The following ZFP28 variants were observed in gnomAD, a reference collection of about 807,000 sequenced individuals.
ZFP28 encodes the protein zinc finger protein 28 homolog.
In ZFP28, 31 loss-of-function variants were observed where a neutral mutation model predicts 39.5. That is an observed-to-expected ratio of 0.79 (90% CI 0.59 to 1.06). The LOEUF is 1.06. ZFP28 is among the 50% of genes least tolerant of loss of function. The pLI is 0.00. For missense variants in ZFP28, 925 were observed against 1,048.4 expected (o/e 0.88, Z 1.63); for synonymous variants, 400 against 378.6 (o/e 1.06, Z -0.66).
At chr19:56,542,346 GT>G (rs1362389001) in intron 2 of ZFP28, among the ~76,000 whole-genome samples, 5 of 152,054 alleles carry the variant, frequency 3.3e-5, no homozygotes, top group Non-Finnish European at 7.4e-5. Flanking sequence ...TAGAGATGGG[GT>G]TTTGCCATGT....
At chr19:56,553,421 A>G (rs2044322313) in intron 7 of ZFP28, among the ~76,000 whole-genome samples, 2 of 152,028 alleles carry the variant, frequency 1.3e-5, no homozygotes, top group South Asian at 4.1e-4. Context: ...GGGTCTTGCT[A>G]TGTTGTGCAG....
chr19:56,552,695 T>C (rs2044315383), intron 7 of ZFP28: 1 of 152,202 alleles, frequency 6.6e-6, no homozygotes, highest in Non-Finnish European at 1.5e-5. Context: ...GCACGTACTT[T>C]GTTGATTTTT....
rs367975342 is a variant in ZFP28 at position 56,547,773 on chromosome 19, C to T, written c.428-34C>T. 1.1e-5 allele frequency: 17 copies of T among 1,612,624 alleles called. No individual in the cohort carries two copies. In the African/African-American group the frequency reaches 1.7e-4, roughly 16 times the overall value. On this transcript the variant is annotated intron_variant, in intron 3 of 7. Coordinates refer to ENST00000301318, the MANE Select transcript of ZFP28 (RefSeq NM_020828.2). The surrounding 1 kb of genome is among the most constrained non-coding windows in gnomAD (Gnocchi z 4.6). ...GACTGCATCTCAGTCTGGACAGCCA[C>T]ACAGTATGACCAGGTTGTTTTTTAT...
chr19:56,550,467 GC>G, intron 6 of ZFP28, 42 bp from the exon 7 acceptor site: 1 of 1,550,546 alleles, frequency 6.4e-7, no homozygotes, highest in Non-Finnish European at 8.8e-7. Context: ...ATTTTAGGAT[GC>G]CAAGACTATT....
At position 56,550,281 on chromosome 19, in the gene ZFP28, A is replaced by G. The variant is rs552108986; in HGVS notation, c.802+100A>G. On this transcript the variant is annotated intron_variant, in intron 6 of 7. Coordinates refer to ENST00000301318, the MANE Select transcript of ZFP28 (RefSeq NM_020828.2). ...GAGGAGGGAGGGGGTGTCTTCTGAC[A>G]TGCTGGCCTGAATTTTGTGGATTCC... The G allele has an allele frequency of 7.0e-4, 853 of 1,210,494 alleles. 24 individuals carry two copies. In the South Asian group the frequency reaches 0.012, roughly 17 times the overall value. 75.0% of individuals were successfully genotyped at this position (1,210,494 alleles called of 1,614,324 possible).
At position 56,554,366 on chromosome 19, in the gene ZFP28, T is replaced by C. The variant is rs756704627; in HGVS notation, c.1581T>C (p.His527=). 4.3e-6 allele frequency: 7 copies of C among 1,614,130 alleles called. 1 individual carries two copies. In the South Asian group the frequency reaches 7.7e-5, roughly 18 times the overall value. ...GGCTTAATCAACACAGGAGAATTCA[T>C]ACTGGAGAGAAACCTTACAAATGTG... ...HIGLNQHRRI[H]TGEKPYKCDV... Residue 527 remains histidine, a synonymous_variant, in exon 8 of 8, where the codon CAT becomes CAC. Transcript: ENST00000301318. The surrounding 1 kb of genome is among the most constrained non-coding windows in gnomAD (Gnocchi z 6.7).
upstream of ZFP28, among the ~76,000 whole-genome samples, chr19:56,537,025 G>A (rs917407): frequency 0.023 from 3,025 of 132,898 alleles, 83 homozygotes; most frequent in African/African-American, 0.075. Flanking sequence ...TAGGGAGAAG[G>A]GGGGTGGTTG....
intron 1 of ZFP28, 78 bp downstream of exon 1, chr19:56,539,304 T>C: frequency 7.1e-7 from 1 of 1,406,148 alleles, no homozygotes; most frequent in Non-Finnish European, 9.5e-7. Flanking sequence ...GGGGTTGGGC[T>C]CTCGGGGACC....
chr19:56,548,377 G>T (rs1219740420), intron 4 of ZFP28: 1 of 153,596 alleles, frequency 6.5e-6, no homozygotes, highest in Non-Finnish European at 1.4e-5. Context: ...TCTTCCTGCA[G>T]ATCATTCATC....
In ZFP28 at chr19:56,541,728, T is replaced by A. The variant is rs182683043; in HGVS notation, c.300+2012T>A. ...ATCCCTCTTCCCTGCTTTGCTTTTT[T>A]CTTTTAGTACTTTTCTTTTGAGACA... On this transcript the variant is annotated intron_variant, in intron 2 of 7. Transcript: ENST00000301318. 6.0e-3 allele frequency among the ~76,000 whole-genome samples: 907 copies of A among 152,192 alleles called. 10 individuals carry two copies. The highest frequency in any genetic ancestry group is 0.02 in the African/African-American group (815 of 41,494).
At position 56,550,028 on chromosome 19, in the gene ZFP28, A is replaced by C. The variant is rs370158824; in HGVS notation, c.688-39A>C. ...CCACTGAGACCAGGTGAGTTCACGA[A>C]CATGGTTTGATTTAAAAAACGTGCT... On this transcript the variant is annotated intron_variant, in intron 5 of 7. Transcript: ENST00000301318. 3.5e-5 allele frequency: 55 copies of C among 1,550,682 alleles called. No individual in the cohort carries two copies. In the African/African-American group the frequency reaches 6.3e-4, roughly 18 times the overall value.
At chr19:56,546,961 G>A (rs2044246736) in intron 2 of ZFP28, 1 of 152,218 alleles carries the variant, frequency 6.6e-6, no homozygotes, top group African/African-American at 2.4e-5. Context: ...AAGACAGAAT[G>A]AGGCTAGCTG....
chr19:56,554,559 A>C lies in ZFP28; in HGVS notation c.1774A>C (p.Lys592Gln). ...VHSGEKPFKC[K>Q]ECGKAFRQNI... The stretch of plus-strand genomic sequence containing the variant: ...TTCTGGAGAAAAGCCTTTTAAGTGT[A>C]AAGAGTGCGGAAAAGCTTTTAGGCA... Residue 592 changes from lysine to glutamine, a missense_variant, in exon 8 of 8, where the codon AAA becomes CAA. Around this residue, in one of 2 missense-constraint regions of ZFP28, gnomAD observed 369 missense variants for 505.5 expected, o/e 0.73. Transcript: ENST00000301318. The surrounding 1 kb of genome is among the most constrained non-coding windows in gnomAD (Gnocchi z 6.7). The C allele has an allele frequency of 6.2e-7, 1 of 1,614,194 alleles. No individual in the cohort carries two copies. The highest frequency in any genetic ancestry group is 8.5e-7 in the Non-Finnish European group (1 of 1,180,030).
chr19:56,551,910 A>G (rs1007246871), intron 7 of ZFP28: 15 of 982,708 alleles, frequency 1.5e-5, no homozygotes, highest in East Asian at 2.3e-4. Flanking sequence ...GTCTCAAACT[A>G]TTTTCACATA....
At position 56,554,637 on chromosome 19, in the gene ZFP28, G is replaced by A; in HGVS notation, c.1852G>A (p.Glu618Lys). 1 of 1,613,412 alleles carries A rather than the reference G, an allele frequency of 6.2e-7. No homozygotes were observed. The highest frequency in any genetic ancestry group is 8.5e-7 in the Non-Finnish European group (1 of 1,179,434). The change falls in exon 8 of 8, where the codon GAA becomes AAA. Residue 618 changes from glutamate (E) to lysine (K), a missense_variant. This residue lies in a region of ZFP28 where 369 missense variants were observed against 505.5 expected (regional missense o/e 0.73). Coordinates refer to ENST00000301318, the MANE Select transcript of ZFP28 (RefSeq NM_020828.2). This position sits in a 1 kb window ranked among gnomAD's most constrained non-coding sequence, Gnocchi z 6.7. ...LRIHTGEKPFECAECGKSFSI... is the reference protein window; with the variant it reads ...LRIHTGEKPFKCAECGKSFSI... The stretch of plus-strand genomic sequence containing the variant: ...GATTCATACTGGGGAGAAGCCTTTT[G>A]AATGTGCGGAGTGTGGAAAATCCTT...
In ZFP28 at chr19:56,549,120, C is replaced by G; in HGVS notation, c.686C>G (p.Pro229Arg). 3.1e-6 allele frequency: 5 copies of G among 1,597,402 alleles called. No individual in the cohort carries two copies. Among genetic ancestry groups the G allele is most frequent in the Non-Finnish European group, 4.3e-6 (5 of 1,171,978 alleles). ...WDYDALFETQ[P>R]GLVTIKNLAV... ...TATGATGCTCTGTTTGAGACACAGC[C>G]GGTAAGTCACAAGACAAATTTCAGG... Residue 229 changes from proline to arginine, a missense_variant and splice_region_variant, in exon 5 of 8, where the codon CCG (proline) becomes CGG (arginine). Around this residue, in one of 2 missense-constraint regions of ZFP28, gnomAD observed 556 missense variants for 542.9 expected, o/e 1.02. Coordinates refer to ENST00000301318, the MANE Select transcript of ZFP28 (RefSeq NM_020828.2).
At position 56,556,295 on chromosome 19, in the gene ZFP28, C is replaced by T. The variant is rs142038937; in HGVS notation, c.*903C>T. ...TTGGCTTCAGCCACACAGTGATTTA[C>T]ACCTTGATTGTGCTGCTTCCAGGCT... On this transcript the variant is annotated 3_prime_UTR_variant, in exon 8 of 8. Transcript: ENST00000301318. The T allele has an allele frequency of 8.6e-4, 131 of 152,342 alleles. No homozygotes were observed. Among genetic ancestry groups the T allele is most frequent in the African/African-American group, 3.1e-3 (127 of 41,580 alleles). 9.4% of individuals were successfully genotyped at this position (152,342 alleles called of 1,614,324 possible). A position where few individuals can be genotyped will look rare whatever the true frequency, so the allele number is the denominator to read the frequency against.
At chr19:56,545,568 A>G (rs1277585094) in intron 2 of ZFP28, 1 of 152,216 alleles carries the variant, frequency 6.6e-6, no homozygotes, top group African/African-American at 2.4e-5. Context: ...GGACACTTAG[A>G]GCAGAATGGC....
At chr19:56,551,443 T>G in intron 7 of ZFP28, 1 of 985,466 alleles carries the variant, frequency 1.0e-6, no homozygotes, top group Non-Finnish European at 1.2e-6. Context: ...CGCATACACG[T>G]TTTTCATGTG....
Sources: gnomAD v4.1 joint callset for allele counts (sites outside exome capture counted in the v4.1 genomes callset) on GRCh38, gnomAD v4.1.1 for gene constraint, gnomAD v4.1.1 regional missense constraint, Gnocchi (gnomAD v3.1) non-coding constraint, MANE v1.5 for transcripts, NCBI Gene and HGNC (gene_info 2026-07-23, HGNC 2026-07-21) for gene names.